The following CCDC136 variants were observed in gnomAD, a reference collection of about 807,000 sequenced individuals.
CCDC136 encodes the protein coiled-coil domain containing 136.
Under a neutral mutation model 141.2 loss-of-function variants are expected in CCDC136, and 100 were observed. The ratio of observed to expected loss-of-function variants is 0.71; its 90% CI spans 0.60 to 0.84. The LOEUF is 0.84. Ranked by LOEUF, CCDC136 falls within the 40% of genes least tolerant of loss-of-function variation. The pLI is 0.00. For missense variants in CCDC136, 1,206 were observed against 1,379.4 expected, an observed-to-expected ratio of 0.87 and a Z score of 1.99; for synonymous variants, 474 against 531.9, an observed-to-expected ratio of 0.89 and a Z score of 1.50.
At chr7:128,811,172 G>C in intron 12 of CCDC136, 1 of 394,626 alleles carries the variant, frequency 2.5e-6, no homozygotes, top group Non-Finnish European at 5.1e-6. Flanking sequence ...TGTGAGGCTG[G>C]ATCATATTCC....
chr7:128,807,524 C>T lies in CCDC136; in HGVS notation c.1584C>T (p.Asp528=). The stretch of plus-strand genomic sequence containing the variant: ...AGGCCTCCCACCCCATTCCGGAGGA[C>T]AAAGGAAAGTGTGCTAATAAGGTAA... ...ELKASHPIPE[D]KGKCANKCDT... Residue 528 remains aspartate, a synonymous_variant, in exon 10 of 18, where the codon GAC becomes GAT. Transcript: ENST00000297788. 1 of 1,472,246 alleles carries T rather than the reference C, an allele frequency of 6.8e-7. No individual in the cohort carries two copies. Among genetic ancestry groups the T allele is most frequent in the Middle Eastern group, 1.8e-4 (1 of 5,658 alleles). 91.2% of individuals were successfully genotyped at this position (1,472,246 alleles called of 1,614,324 possible).
chr7:128,796,739 A>ATTTTTTT (rs1554377202), intron 3 of CCDC136, among the ~76,000 whole-genome samples: 3 of 113,374 alleles, frequency 2.6e-5, no homozygotes, highest in African/African-American at 9.2e-5. Flanking sequence ...ATATATATAT[A>ATTTTTTT]TTCTTTTTTT....
At chr7:128,806,881 G>A in intron 9 of CCDC136, 23 bp downstream of exon 9, 1 of 1,579,620 alleles carries the variant, frequency 6.3e-7, no homozygotes, top group Non-Finnish European at 8.6e-7. Context: ...CCTGGTGAGG[G>A]AGGATGTAGC....
intron 3 of CCDC136, among the ~76,000 whole-genome samples, chr7:128,800,529 A>C (rs965942593): frequency 6.6e-6 from 1 of 151,694 alleles, no homozygotes; most frequent in African/African-American, 2.4e-5. Flanking sequence ...TCCTGACCTC[A>C]AGTGATCCAC....
At chr7:128,800,356 T>A (rs1300687721) in intron 3 of CCDC136, among the ~76,000 whole-genome samples, 2 of 152,200 alleles carry the variant, frequency 1.3e-5, no homozygotes, top group Admixed American at 1.3e-4. Flanking sequence ...AGTGGTGCGA[T>A]CTTGGCTCAC....
intron 3 of CCDC136, among the ~76,000 whole-genome samples, chr7:128,796,754 T>G (rs894360380): frequency 2.0e-4 from 28 of 136,844 alleles, no homozygotes; most frequent in Non-Finnish European, 3.9e-4. Context: ...TTTTTTTTTT[T>G]TTTTTGAGAC....
chr7:128,818,887 T>C (rs73457562), intron 17 of CCDC136, among the ~76,000 whole-genome samples: 2,146 of 152,272 alleles, frequency 0.014, 57 homozygotes, highest in African/African-American at 0.049. Flanking sequence ...TCCCCTCTCT[T>C]CTCACATTCC....
At chr7:128,814,171 C>T (rs932687523) in intron 14 of CCDC136, among the ~76,000 whole-genome samples, 4 of 151,702 alleles carry the variant, frequency 2.6e-5, no homozygotes, top group Admixed American at 6.6e-5. Flanking sequence ...CTGCAACCTC[C>T]GCCTCCTGGG....
rs770948486 is a variant in CCDC136 at position 128,821,606 on chromosome 7, C to T, written c.*6-193C>T. On this transcript the variant is annotated intron_variant, in intron 17 of 17. Transcript: ENST00000297788. The surrounding 1 kb of genome is among the most constrained non-coding windows in gnomAD (Gnocchi z 5.1). ...ATACAGGCGGTCACCTAAGGTGGTG[C>T]GTACAGTGTTGGGCCACATGTCTAG... 1.3e-5 allele frequency among the ~76,000 whole-genome samples: 2 copies of T among 152,172 alleles called. No homozygotes were observed. Among genetic ancestry groups the T allele is most frequent in the East Asian group, 1.9e-4 (1 of 5,198 alleles).
At chr7:128,815,446 C>T (rs1332014467) in intron 15 of CCDC136, among the ~76,000 whole-genome samples, 168 bp from the exon 16 acceptor site, 1 of 152,088 alleles carries the variant, frequency 6.6e-6, no homozygotes, top group Non-Finnish European at 1.5e-5. Context: ...GGTGTGATGC[C>T]CTCTACATAT....
At chr7:128,797,229 G>T (rs1803174683) in intron 3 of CCDC136, among the ~76,000 whole-genome samples, 1 of 152,182 alleles carries the variant, frequency 6.6e-6, no homozygotes, top group African/African-American at 2.4e-5. Context: ...GTTTTCCTCT[G>T]TTGAGTTTGA....
Position 128,801,352 on chromosome 7 carries a change from G to T in CCDC136, c.513G>T (p.Leu171=), listed in dbSNP as rs1187363993. The change falls in exon 4 of 18, where the codon CTG becomes CTT. Residue 171 remains leucine (L), a synonymous_variant. Coordinates refer to ENST00000297788, the MANE Select transcript of CCDC136 (RefSeq NM_022742.5). ...ATEHESDIAS[L]QEDLCRMQNE... ...AACATGAGAGTGACATAGCATCCCTGCAGGAGGATCTCTGCCGGATGCAGA... is the reference window on the plus strand; with the variant it reads ...AACATGAGAGTGACATAGCATCCCTTCAGGAGGATCTCTGCCGGATGCAGA... 6.2e-7 allele frequency: 1 copy of T among 1,613,618 alleles called. No individual in the cohort carries two copies. The highest frequency in any genetic ancestry group is 1.7e-5 in the Admixed American group (1 of 59,954).
In CCDC136 at chr7:128,817,720, C is replaced by A; in HGVS notation, c.3364-38C>A. On this transcript the variant is annotated intron_variant, in intron 16 of 17. Coordinates refer to ENST00000297788, the MANE Select transcript of CCDC136 (RefSeq NM_022742.5). The surrounding 1 kb of genome is among the most constrained non-coding windows in gnomAD (Gnocchi z 4.6). ...GCGTTTATGTCTCACATCTCCTGGTCTCTCCTCGTGCTTCTTTCTCATTTT... is the reference window on the plus strand; with the variant it reads ...GCGTTTATGTCTCACATCTCCTGGTATCTCCTCGTGCTTCTTTCTCATTTT... The A allele has an allele frequency of 7.2e-7, 1 of 1,381,404 alleles. No individual in the cohort carries two copies. Among genetic ancestry groups the A allele is most frequent in the Non-Finnish European group, 1.0e-6 (1 of 967,734 alleles). 85.6% of individuals were successfully genotyped at this position (1,381,404 alleles called of 1,614,324 possible).
intron 3 of CCDC136, among the ~76,000 whole-genome samples, chr7:128,798,919 TG>T (rs907629640): frequency 6.0e-5 from 9 of 149,024 alleles, no homozygotes; most frequent in African/African-American, 2.2e-4. Flanking sequence ...TAGTTCCACA[TG>T]TGAGCTCAGG....
rs1257366531 is a variant in CCDC136 at position 128,821,079 on chromosome 7, C to G, written c.*6-720C>G. Among the ~76,000 whole-genome samples, 1 of 152,130 alleles carries G rather than the reference C, an allele frequency of 6.6e-6. No individual in the cohort carries two copies. The highest frequency in any genetic ancestry group is 1.5e-5 in the Non-Finnish European group (1 of 68,020). On this transcript the variant is annotated intron_variant, in intron 17 of 17. Transcript: ENST00000297788. This position sits in a 1 kb window ranked among gnomAD's most constrained non-coding sequence, Gnocchi z 5.1. The stretch of plus-strand genomic sequence containing the variant: ...TTCTTGTCTAAGATTTTCATATTAC[C>G]TAATGGATGCTTTTTGGATATCTTC...
rs1476171626 is a variant in CCDC136, at chr7:128,805,809, G to T, written c.997G>T (p.Val333Phe). ...ELEELQHHRQ[V>F]SEEEQRRLQR... ...GGAAGAGCTACAGCATCATCGCCAG[G>T]TCAGTGAGGAGGAGCAGAGGCGGCT... Residue 333 changes from valine to phenylalanine, a missense_variant, in exon 7 of 18, where the codon GTC (valine) becomes TTC (phenylalanine). Val to Phe is a conservative substitution (Grantham distance 50). Transcript: ENST00000297788. The surrounding 1 kb of genome is among the most constrained non-coding windows in gnomAD (Gnocchi z 4.6). 1.2e-6 allele frequency: 2 copies of T among 1,613,666 alleles called. No homozygotes were observed. The highest frequency in any genetic ancestry group is 1.7e-5 in the Admixed American group (1 of 59,948).
In CCDC136 at chr7:128,814,663, G is replaced by A. The variant is rs1355436741; in HGVS notation, c.2789G>A (p.Arg930Gln). Residue 930 changes from arginine to glutamine, a missense_variant, in exon 15 of 18, where the codon CGG (arginine) becomes CAG (glutamine). Coordinates refer to ENST00000297788, the MANE Select transcript of CCDC136 (RefSeq NM_022742.5). ...NEIKELQTKLRELQLQYQASM... is the reference protein window; with the variant it reads ...NEIKELQTKLQELQLQYQASM... ...ATCAAAGAACTGCAGACCAAGCTGCGGGAGCTGCAGCTGCAATACCAGGCT... is the reference window on the plus strand; with the variant it reads ...ATCAAAGAACTGCAGACCAAGCTGCAGGAGCTGCAGCTGCAATACCAGGCT... 6.3e-6 allele frequency: 10 copies of A among 1,592,240 alleles called. No homozygotes were observed. The highest frequency in any genetic ancestry group is 5.4e-5 in the African/African-American group (4 of 73,950).
chr7:128,812,022 A>G lies in CCDC136; in HGVS notation c.2251A>G (p.Met751Val). Residue 751 changes from methionine to valine, a missense_variant, in exon 13 of 18, where the codon ATG (methionine) becomes GTG (valine). Transcript: ENST00000297788. Reference protein sequence around the residue: ...LESYGKSYGSMVPSNENCRKT... With the variant: ...LESYGKSYGSVVPSNENCRKT... Reference sequence around the variant, plus strand: ...GTCCTACGGGAAGAGCTATGGTAGCATGGTCCCCAGCAATGAGAACTGTCG... The same window carrying G: ...GTCCTACGGGAAGAGCTATGGTAGCGTGGTCCCCAGCAATGAGAACTGTCG... 1 of 1,614,014 alleles carries G rather than the reference A, an allele frequency of 6.2e-7. No homozygotes were observed. The highest frequency in any genetic ancestry group is 8.5e-7 in the Non-Finnish European group (1 of 1,179,870).
At chr7:128,791,480 C>A, upstream of CCDC136, 1 of 1,320,594 alleles carries the variant, frequency 7.6e-7, no homozygotes, top group Non-Finnish European at 9.6e-7. This position sits in a 1 kb window ranked among gnomAD's most constrained non-coding sequence, Gnocchi z 7.1. Flanking sequence ...CGGAAGGCGG[C>A]GGCGGGAGCG....
Sources: allele counts gnomAD v4.1 joint callset (sites outside exome capture counted in the v4.1 genomes callset), GRCh38; gene constraint gnomAD v4.1.1; non-coding constraint Gnocchi (gnomAD v3.1); transcripts MANE v1.5; gene names NCBI Gene and HGNC (gene_info 2026-07-23, HGNC 2026-07-21).